AKNAD1: variants seen among roughly 807,000 people sequenced by gnomAD.
AKNAD1 encodes AKNA domain containing 1.
Under a neutral mutation model 90.8 loss-of-function variants are expected in AKNAD1, and 67 were observed. The ratio of observed to expected loss-of-function variants is 0.74; its 90% CI spans 0.61 to 0.90. AKNAD1 has a LOEUF of 0.90. Among genes scored for constraint, AKNAD1 ranks in the 40% least tolerant of loss-of-function variants. AKNAD1 has a pLI of 0.00. For synonymous variants in AKNAD1, 327 were observed against 341.4 expected (o/e 0.96, Z 0.46); for missense variants, 957 against 975.4 (o/e 0.98, Z 0.25).
intron 1 of AKNAD1, among the ~76,000 whole-genome samples, chr1:108,854,711 G>T (rs1345562094): frequency 4.6e-5 from 7 of 152,184 alleles, no homozygotes; most frequent in Admixed American, 4.6e-4. Flanking sequence ...ATAAAGTGAG[G>T]CATGTCTTCA....
At chr1:108,853,136 C>CTT (rs889504364) in intron 1 of AKNAD1, among the ~76,000 whole-genome samples, 25 of 133,538 alleles carry the variant, frequency 1.9e-4, no homozygotes, top group African/African-American at 6.3e-4. Context: ...TTTCTTTTTT[C>CTT]TTTTTTTTTT....
rs192481315 is a variant in AKNAD1 at position 108,830,241 on chromosome 1, C to T, written c.1838+318G>A. 4.5e-4 allele frequency among the ~76,000 whole-genome samples: 69 copies of T among 152,262 alleles called. 1 individual carries two copies. Among genetic ancestry groups the T allele is most frequent in the Admixed American group, 2.1e-3 (32 of 15,304 alleles). On this transcript the variant is annotated intron_variant, in intron 10 of 15. Coordinates refer to ENST00000370001, the MANE Select transcript of AKNAD1 (RefSeq NM_152763.5). Reference sequence around the variant, plus strand: ...ATGATTCTTAACCAAGGGGGCTTATCGGAATCACCTGGGGAGATTTAAAAG... The same window carrying T: ...ATGATTCTTAACCAAGGGGGCTTATTGGAATCACCTGGGGAGATTTAAAAG...
At position 108,828,329 on chromosome 1, in the gene AKNAD1, A is replaced by G. The variant is rs1218121973; in HGVS notation, c.1839-1027T>C. On this transcript the variant is annotated intron_variant, in intron 10 of 15. Coordinates refer to ENST00000370001, the MANE Select transcript of AKNAD1 (RefSeq NM_152763.5). The stretch of plus-strand genomic sequence containing the variant: ...TCAGAAAGAAGCAACTGCAATGGAC[A>G]TTGTTCAGGAGCCTTCCTGTGGCCC... Among the ~76,000 whole-genome samples the G allele has an allele frequency of 2.0e-5, 3 of 151,674 alleles. 1 individual carries two copies. Among genetic ancestry groups the G allele is most frequent in the Non-Finnish European group, 2.9e-5 (2 of 67,964 alleles).
At chr1:108,849,510 C>A (rs747408699) in intron 3 of AKNAD1, 27 bp downstream of exon 3, 3 of 1,419,154 alleles carry the variant, frequency 2.1e-6, no homozygotes, top group South Asian at 1.2e-5. Flanking sequence ...ATATATATAT[C>A]TCAAAGAAGT....
At chr1:108,826,444 A>AGG (rs1663997704) in intron 11 of AKNAD1, among the ~76,000 whole-genome samples, 1 of 151,710 alleles carries the variant, frequency 6.6e-6, no homozygotes. Context: ...TCTTTGAAAA[A>AGG]AAGGATCTTA....
chr1:108,833,783 T>C (rs1557830938), intron 9 of AKNAD1, among the ~76,000 whole-genome samples: 1 of 151,748 alleles, frequency 6.6e-6, no homozygotes, highest in Non-Finnish European at 1.5e-5. Context: ...ACTCCTCCAC[T>C]GACATTTAAG....
chr1:108,820,601 A>C lies in AKNAD1; in HGVS notation c.2193T>G (p.Cys731Trp), dbSNP rs906473039. The C allele has an allele frequency of 1.2e-6, 2 of 1,611,440 alleles. No individual in the cohort carries two copies. Among genetic ancestry groups the C allele is most frequent in the African/African-American group, 1.3e-5 (1 of 74,866 alleles). ...SPSFLKPKRICSQRVNSKSFK... is the reference protein window; with the variant it reads ...SPSFLKPKRIWSQRVNSKSFK... Reference sequence around the variant, plus strand: ...AGGATTTTGAATTCACTCTCTGAGAACAGATCCGTTTGGGTTTTAAAAAAG... The same window carrying C: ...AGGATTTTGAATTCACTCTCTGAGACCAGATCCGTTTGGGTTTTAAAAAAG... Residue 731 changes from cysteine (C) to tryptophan (W), a missense_variant, in exon 14 of 16, where the codon TGT becomes TGG. Cys to Trp is a radical substitution (Grantham distance 215). Transcript: ENST00000370001.
intron 11 of AKNAD1, among the ~76,000 whole-genome samples, chr1:108,824,399 C>CTAACCCTAACCCTAACCCTAACCCT (rs749047619): frequency 5.3e-5 from 8 of 151,856 alleles, no homozygotes; most frequent in South Asian, 4.2e-4. Context: ...TTACTGAACT[C>CTAACCCTAACCCTAACCCTAACCCT]ATGGTTAGAC....
At chr1:108,851,553 A>C (rs1322421735) in intron 2 of AKNAD1, 119 bp downstream of exon 2, 1 of 944,426 alleles carries the variant, frequency 1.1e-6, no homozygotes, top group African/African-American at 1.6e-5. Flanking sequence ...AGGGTGACCC[A>C]GGGTGCTGAA....
At chr1:108,849,758 G>A (rs964395987) in intron 2 of AKNAD1, among the ~76,000 whole-genome samples, 182 bp from the exon 3 acceptor site, 2 of 152,172 alleles carry the variant, frequency 1.3e-5, no homozygotes, top group Non-Finnish European at 2.9e-5. Context: ...CCAAGTAATT[G>A]TCTCATCACT....
chr1:108,817,202 C>T (rs1663640796), intron 14 of AKNAD1, 25 bp from the exon 15 acceptor site: 1 of 1,613,008 alleles, frequency 6.2e-7, no homozygotes, highest in Non-Finnish European at 8.5e-7. Context: ...CACATTGATA[C>T]TTGTGTCAAG....
At position 108,823,443 on chromosome 1, in the gene AKNAD1, A is replaced by G; in HGVS notation, c.2094T>C (p.Asn698=). 3 of 1,614,144 alleles carry G rather than the reference A, an allele frequency of 1.9e-6. No homozygotes were observed. The highest frequency in any genetic ancestry group is 1.7e-6 in the Non-Finnish European group (2 of 1,180,002). ...CACCTCTTTTGCTATGATTTGAGTA[A>G]TTCTGTCCTGGAGTGTTGTATCTAT... is the stretch of plus-strand genomic sequence containing the variant. ...FHYRYNTPGQ[N]YSNHSKRGAF... Residue 698 remains asparagine, a synonymous_variant, in exon 13 of 16, where the codon AAT becomes AAC. Coordinates refer to ENST00000370001, the MANE Select transcript of AKNAD1 (RefSeq NM_152763.5).
intron 5 of AKNAD1, among the ~76,000 whole-genome samples, chr1:108,846,578 C>A (rs1055123603): frequency 2.0e-5 from 3 of 152,074 alleles, no homozygotes; most frequent in Non-Finnish European, 4.4e-5. Flanking sequence ...GGCCCACTCC[C>A]CTCTCCTTCA....
Position 108,830,570 on chromosome 1 carries a change from C to T in AKNAD1, c.1827G>A (p.Arg609=). ...CAAGAAGCCCTCACCATTCAAGGAGCCTGCGACAGAAGGCACAGCTCGGAC... is the reference window on the plus strand; with the variant it reads ...CAAGAAGCCCTCACCATTCAAGGAGTCTGCGACAGAAGGCACAGCTCGGAC... The part of the protein sequence containing the change: ...APSPSCAFCR[R]LLEWKQNVEK... Residue 609 remains arginine (R), a synonymous_variant, in exon 10 of 16, where the codon AGG becomes AGA. Coordinates refer to ENST00000370001, the MANE Select transcript of AKNAD1 (RefSeq NM_152763.5). 6.2e-7 allele frequency: 1 copy of T among 1,613,998 alleles called. No individual in the cohort carries two copies. The highest frequency in any genetic ancestry group is 8.5e-7 in the Non-Finnish European group (1 of 1,180,008).
At chr1:108,834,640 C>T (rs1664323342) in intron 8 of AKNAD1, 112 bp from the exon 9 acceptor site, 3 of 1,107,444 alleles carry the variant, frequency 2.7e-6, no homozygotes, top group Non-Finnish European at 3.9e-6. Context: ...TGGGAGCGAG[C>T]AACCTAAGGC....
At chr1:108,828,647 G>A (rs1466463524) in intron 10 of AKNAD1, among the ~76,000 whole-genome samples, 1 of 151,532 alleles carries the variant, frequency 6.6e-6, no homozygotes, top group Non-Finnish European at 1.5e-5. Flanking sequence ...GGGTTTGTGG[G>A]GCTGGGGCTG....
chr1:108,835,267 C>T (rs1269624757), intron 7 of AKNAD1, among the ~76,000 whole-genome samples: 2 of 152,194 alleles, frequency 1.3e-5, no homozygotes, highest in East Asian at 3.8e-4. Context: ...AACCTTCTCC[C>T]TTAGTAATTC....
Position 108,816,213 on chromosome 1 carries a change from G to T in AKNAD1, c.2469C>A (p.Asp823Glu), listed in dbSNP as rs1442815891. The T allele has an allele frequency of 6.2e-7, 1 of 1,613,356 alleles. No homozygotes were observed. The highest frequency in any genetic ancestry group is 2.2e-5 in the East Asian group (1 of 44,830). ...TCCTCCACCTCTGTGCTTTAGCAAGGTCTTCTGCAATCGTTTTAATCATTT... is the reference window on the plus strand; with the variant it reads ...TCCTCCACCTCTGTGCTTTAGCAAGTTCTTCTGCAATCGTTTTAATCATTT... ...TDQMIKTIAEDLAKAQRWRNR... is the reference protein window; with the variant it reads ...TDQMIKTIAEELAKAQRWRNR... Residue 823 changes from aspartate (D) to glutamate (E), a missense_variant, in exon 16 of 16, where the codon GAC (aspartate) becomes GAA (glutamate). Asp to Glu is a conservative substitution (Grantham distance 45). Coordinates refer to ENST00000370001, the MANE Select transcript of AKNAD1 (RefSeq NM_152763.5).
At chr1:108,836,262 AG>A (rs1392706146) in intron 7 of AKNAD1, among the ~76,000 whole-genome samples, 1 of 152,234 alleles carries the variant, frequency 6.6e-6, no homozygotes, top group African/African-American at 2.4e-5. Flanking sequence ...CAAGACTAGC[AG>A]GGCAGCCGCT....
Sources: allele counts gnomAD v4.1 joint callset (sites outside exome capture counted in the v4.1 genomes callset), GRCh38; gene constraint gnomAD v4.1.1; transcripts MANE v1.5; gene names NCBI Gene and HGNC (gene_info 2026-07-23, HGNC 2026-07-21).